WWOX: variants seen among roughly 807,000 people sequenced by gnomAD.
WWOX encodes WW domain containing oxidoreductase.
In WWOX, 69 loss-of-function variants were observed where a neutral mutation model predicts 46.2. That is an observed-to-expected ratio of 1.49 (90% CI 1.23 to 1.82). The LOEUF (loss-of-function observed/expected upper bound fraction) is 1.82, where lower values mean the gene tolerates loss of function less well. Among genes scored for constraint, WWOX ranks in the 40% most tolerant of loss-of-function variants. The pLI, the probability that WWOX is intolerant of heterozygous loss-of-function variation, is 0.00. For missense variants in WWOX, 919 were observed against 542.6 expected, an observed-to-expected ratio of 1.69 and a Z score of -6.89; for synonymous variants, 359 against 202.6, an observed-to-expected ratio of 1.77 and a Z score of -6.56.
intron 8 of WWOX, among the ~76,000 whole-genome samples, chr16:78,917,262 G>C (rs1364307496): frequency 6.6e-6 from 1 of 152,192 alleles, no homozygotes; most frequent in East Asian, 1.9e-4. Flanking sequence ...CTGAGAGTCA[G>C]GAGGCGTGGT....
At chr16:78,955,768 C>G (rs927027821) in intron 8 of WWOX, among the ~76,000 whole-genome samples, 1 of 151,826 alleles carries the variant, frequency 6.6e-6, no homozygotes, top group Non-Finnish European at 1.5e-5. Flanking sequence ...CTGCCTCAGC[C>G]TCCCGAGTAG....
At chr16:78,863,326 C>A (rs535515912) in intron 8 of WWOX, among the ~76,000 whole-genome samples, 8 of 152,298 alleles carry the variant, frequency 5.3e-5, no homozygotes, top group Non-Finnish European at 1.2e-4. Context: ...TAGTATATTT[C>A]TTTTTCAGAG....
intron 8 of WWOX, among the ~76,000 whole-genome samples, chr16:78,978,025 A>G (rs146505376): frequency 6.6e-6 from 1 of 152,326 alleles, no homozygotes; most frequent in South Asian, 2.1e-4. Context: ...GTCTGTACCA[A>G]TTAAGCAGCT....
rs188548163 is a variant in WWOX at position 78,875,702 on chromosome 16, C to T, written c.1057-335906C>T. On this transcript the variant is annotated intron_variant, in intron 8 of 8. Transcript: ENST00000566780. ...ATAAACAAGACTTGGTTTTTCTAAG[C>T]CACAGTGGCAATTTCCTAGTCGATT... Among the ~76,000 whole-genome samples, 5 of 152,248 alleles carry T rather than the reference C, an allele frequency of 3.3e-5. No individual in the cohort carries two copies. The East Asian group carries it at 9.7e-4, about 29-fold the overall frequency.
chr16:78,144,585 G>A (rs1420983288), intron 4 of WWOX, among the ~76,000 whole-genome samples: 6 of 139,776 alleles, frequency 4.3e-5, no homozygotes, highest in African/African-American at 1.1e-4. Flanking sequence ...ACAGTGGCGC[G>A]ATCTGAGCTC....
At chr16:79,003,875 C>T (rs1015299212) in intron 8 of WWOX, among the ~76,000 whole-genome samples, 2 of 152,158 alleles carry the variant, frequency 1.3e-5, no homozygotes, top group African/African-American at 4.8e-5. Context: ...GGGGAAGGGA[C>T]ACAGACTCCA....
At position 78,512,530 on chromosome 16, in the gene WWOX, T is replaced by C. The variant is rs141574647; in HGVS notation, c.1056+79778T>C. Reference sequence around the variant, plus strand: ...TATTTACTTAGCATTGAATGCATGATTAGAAATGGAATTTTTAAAAAAGCA... The same window carrying C: ...TATTTACTTAGCATTGAATGCATGACTAGAAATGGAATTTTTAAAAAAGCA... On this transcript the variant is annotated intron_variant, in intron 8 of 8. Transcript: ENST00000566780. 1.9e-3 allele frequency among the ~76,000 whole-genome samples: 290 copies of C among 152,282 alleles called. 1 individual carries two copies. Among genetic ancestry groups the C allele is most frequent in the African/African-American group, 6.7e-3 (280 of 41,554 alleles).
At chr16:78,588,564 C>T (rs898904859) in intron 8 of WWOX, among the ~76,000 whole-genome samples, 2 of 152,136 alleles carry the variant, frequency 1.3e-5, no homozygotes, top group South Asian at 4.1e-4. Context: ...CTTGCAGAAG[C>T]TGCCTGGAGG....
chr16:78,742,241 A>T (rs2049246466), intron 8 of WWOX, among the ~76,000 whole-genome samples: 1 of 152,186 alleles, frequency 6.6e-6, no homozygotes, highest in Non-Finnish European at 1.5e-5. Flanking sequence ...ATTTTTACTG[A>T]TAATAGTCCA....
intron 8 of WWOX, among the ~76,000 whole-genome samples, chr16:78,859,196 G>C (rs980137558): frequency 6.6e-6 from 1 of 151,042 alleles, no homozygotes; most frequent in African/African-American, 2.4e-5. Context: ...CAGGATGAAG[G>C]GGCCTAAAAT....
intron 8 of WWOX, among the ~76,000 whole-genome samples, chr16:78,521,741 A>C (rs1286452948): frequency 6.6e-6 from 1 of 152,054 alleles, no homozygotes; most frequent in Non-Finnish European, 1.5e-5. Context: ...GTATCTCTCA[A>C]AATATTAGGT....
intron 8 of WWOX, among the ~76,000 whole-genome samples, chr16:78,540,971 C>G (rs965927584): frequency 1.3e-5 from 2 of 152,128 alleles, no homozygotes; most frequent in Non-Finnish European, 2.9e-5. Context: ...ATAGAGATTT[C>G]TCTGAGAATT....
chr16:79,030,471 C>T (rs910828355), intron 8 of WWOX, among the ~76,000 whole-genome samples: 31 of 152,176 alleles, frequency 2.0e-4, no homozygotes, highest in African/African-American at 6.8e-4. Flanking sequence ...ATCCCATTAG[C>T]AGTGATGGCT....
At chr16:78,542,245 G>C (rs2043916583) in intron 8 of WWOX, among the ~76,000 whole-genome samples, 2 of 152,018 alleles carry the variant, frequency 1.3e-5, no homozygotes, top group African/African-American at 4.8e-5. Flanking sequence ...CCTACGTAAT[G>C]ATCTCCTGGT....
At chr16:78,800,758 G>T (rs1000990541) in intron 8 of WWOX, among the ~76,000 whole-genome samples, 2 of 152,118 alleles carry the variant, frequency 1.3e-5, no homozygotes, top group Non-Finnish European at 1.5e-5. Context: ...CTTAGCTAAG[G>T]TCAGTGTGTC....
chr16:78,791,400 G>C (rs1430863780), intron 8 of WWOX, among the ~76,000 whole-genome samples: 4 of 152,188 alleles, frequency 2.6e-5, no homozygotes, highest in Admixed American at 2.0e-4. Context: ...GGCATGGGCA[G>C]TGGAGACATC....
chr16:78,166,121 AG>A (rs1464607348), intron 5 of WWOX, among the ~76,000 whole-genome samples: 1 of 152,086 alleles, frequency 6.6e-6, no homozygotes, highest in African/African-American at 2.4e-5. Context: ...TTCCAGAAAA[AG>A]GTTATCTATA....
intron 8 of WWOX, among the ~76,000 whole-genome samples, chr16:78,697,418 C>G (rs944106542): frequency 1.3e-5 from 2 of 152,162 alleles, no homozygotes; most frequent in African/African-American, 2.4e-5. Context: ...CTTAATTAAA[C>G]TAATCAGCTT....
At chr16:78,433,197 T>A (rs8049907) in intron 8 of WWOX, among the ~76,000 whole-genome samples, 35,630 of 151,770 alleles carry the variant, frequency 0.23, 5,766 homozygotes, top group African/African-American at 0.45. Context: ...ACTGTATCTT[T>A]TGTTCTAAAT....
Sources: gnomAD v4.1 joint callset for allele counts (sites outside exome capture counted in the v4.1 genomes callset) on GRCh38, gnomAD v4.1.1 for gene constraint, MANE v1.5 for transcripts, NCBI Gene and HGNC (gene_info 2026-07-23, HGNC 2026-07-21) for gene names.